PTPRN2: variants seen among roughly 807,000 people sequenced by gnomAD.
PTPRN2 encodes protein tyrosine phosphatase receptor type N2, also known as receptor-type tyrosine-protein phosphatase N2.
In PTPRN2, 74 loss-of-function variants were observed where a neutral mutation model predicts 118.8. The ratio of observed to expected loss-of-function variants is 0.62; its 90% confidence interval spans 0.52 to 0.76. The LOEUF is 0.76. Ranked by LOEUF, PTPRN2 falls within the 30% of genes least tolerant of loss-of-function variation. The pLI, the probability that PTPRN2 is intolerant of heterozygous loss-of-function variation, is 0.00. For missense variants in PTPRN2, 1,481 were observed against 1,394.4 expected (o/e 1.06, Z -0.99); for synonymous variants, 641 against 608.0 (o/e 1.05, Z -0.80).
At position 158,495,472 on chromosome 7, in the gene PTPRN2, C is replaced by T. The variant is rs139794310; in HGVS notation, c.113-5687G>A. 3.3e-5 allele frequency among the ~76,000 whole-genome samples: 5 copies of T among 152,198 alleles called. No individual in the cohort carries two copies. The East Asian group carries it at 9.7e-4, about 30-fold the overall frequency. The stretch of plus-strand genomic sequence containing the variant: ...GCATTCTCAGATGTAAATGAGGATG[C>T]GCCCTGCCCACTGCAGGGGGGGTAA... On this transcript the variant is annotated intron_variant, in intron 1 of 22. Coordinates refer to ENST00000389418, the MANE Select transcript of PTPRN2 (RefSeq NM_002847.5).
In PTPRN2 at chr7:157,702,140, C is replaced by G. The variant is rs36120437; in HGVS notation, c.1789-19203G>C. On this transcript the variant is annotated intron_variant, in intron 12 of 22. Transcript: ENST00000389418. The stretch of plus-strand genomic sequence containing the variant: ...CGGGCTCTGCCTTTGTGTGAAAGCC[C>G]GGTCGGTCCTGGTGTAACTGACACG... 4.3e-5 allele frequency among the ~76,000 whole-genome samples: 6 copies of G among 138,194 alleles called. 1 individual carries two copies. Among genetic ancestry groups the G allele is most frequent in the Admixed American group, 1.5e-4 (2 of 13,766 alleles). 90.7% of individuals were successfully genotyped at this position (138,194 alleles called of 152,430 possible).
chr7:158,095,256 G>C lies in PTPRN2; in HGVS notation c.1644-13879C>G, dbSNP rs571964439. On this transcript the variant is annotated intron_variant, in intron 10 of 22. Transcript: ENST00000389418. ...TCCTGGTGAGAAAAATAAGAATAACGCCAAGCAGGGTATCTAGTATTGACG... is the reference window on the plus strand; with the variant it reads ...TCCTGGTGAGAAAAATAAGAATAACCCCAAGCAGGGTATCTAGTATTGACG... 6.0e-5 allele frequency among the ~76,000 whole-genome samples: 9 copies of C among 150,514 alleles called. No homozygotes were observed. The South Asian group carries it at 1.9e-3, about 32-fold the overall frequency.
At chr7:158,322,258 T>C (rs889850912) in intron 2 of PTPRN2, among the ~76,000 whole-genome samples, 4 of 152,258 alleles carry the variant, frequency 2.6e-5, no homozygotes, top group East Asian at 1.9e-4. Flanking sequence ...AAGCAGACAC[T>C]GCAGGCTCCA....
At chr7:158,061,966 G>A (rs1051606920) in intron 11 of PTPRN2, among the ~76,000 whole-genome samples, 11 of 152,274 alleles carry the variant, frequency 7.2e-5, no homozygotes, top group Admixed American at 2.6e-4. Flanking sequence ...GTGCCCATGC[G>A]TGGTGTCCCA....
chr7:157,938,380 G>A (rs1799849372), intron 11 of PTPRN2, among the ~76,000 whole-genome samples: 2 of 152,238 alleles, frequency 1.3e-5, no homozygotes, highest in South Asian at 2.1e-4. Context: ...CTGCCCTGGG[G>A]ATCCTGCTGA....
intron 11 of PTPRN2, among the ~76,000 whole-genome samples, chr7:158,018,883 C>T (rs1417329729): frequency 6.7e-6 from 1 of 149,624 alleles, no homozygotes; most frequent in Non-Finnish European, 1.5e-5. Context: ...ATCATTTGAA[C>T]CCAGGGGCAG....
At chr7:158,448,013 G>A (rs1045904151) in intron 2 of PTPRN2, among the ~76,000 whole-genome samples, 30 of 152,348 alleles carry the variant, frequency 2.0e-4, no homozygotes, top group African/African-American at 4.1e-4. Flanking sequence ...GCCAGGTGCC[G>A]ACTCAGCAGG....
chr7:158,226,786 C>T (rs1019769020), intron 3 of PTPRN2, among the ~76,000 whole-genome samples: 1 of 151,622 alleles, frequency 6.6e-6, no homozygotes, highest in South Asian at 2.1e-4. Flanking sequence ...GAGCCTCTCA[C>T]GTATCACTGT....
chr7:157,658,185 G>A (rs989443242), intron 13 of PTPRN2, among the ~76,000 whole-genome samples: 20 of 152,200 alleles, frequency 1.3e-4, no homozygotes, highest in African/African-American at 4.8e-4. Flanking sequence ...AGCCACAGGG[G>A]AGGCCGGGGG....
chr7:157,885,335 G>A (rs1796392460), intron 12 of PTPRN2, among the ~76,000 whole-genome samples: 2 of 152,188 alleles, frequency 1.3e-5, no homozygotes, highest in African/African-American at 4.8e-5. Context: ...GTGCCCAGGT[G>A]GGCCTGGGCT....
chr7:157,991,136 G>A lies in PTPRN2; in HGVS notation c.1723+90162C>T, dbSNP rs115213052. On this transcript the variant is annotated intron_variant, in intron 11 of 22. Transcript: ENST00000389418. ...CAGCCTGTCACAAGCCAAGGCGACC[G>A]AGCTTCCCTGAGAGGCACCCAGCCT... is the stretch of plus-strand genomic sequence containing the variant. Among the ~76,000 whole-genome samples, 700 of 152,276 alleles carry A rather than the reference G, an allele frequency of 4.6e-3. 8 individuals are homozygous for A. The highest frequency in any genetic ancestry group is 0.015 in the African/African-American group (635 of 41,554).
At chr7:158,050,911 G>C (rs1473025277) in intron 11 of PTPRN2, among the ~76,000 whole-genome samples, 2 of 152,262 alleles carry the variant, frequency 1.3e-5, no homozygotes, top group African/African-American at 4.8e-5. Flanking sequence ...CCCTCCCGCT[G>C]GAAGTGCTCT....
At position 157,550,016 on chromosome 7, in the gene PTPRN2, A is replaced by T. The variant is rs180982344; in HGVS notation, c.2903-997T>A. On this transcript the variant is annotated intron_variant, in intron 21 of 22. Coordinates refer to ENST00000389418, the MANE Select transcript of PTPRN2 (RefSeq NM_002847.5). This position sits in a 1 kb window ranked among gnomAD's most constrained non-coding sequence, Gnocchi z 5.2. ...GACAGGAAGAAGCCGCAGCCATTGG[A>T]ACCCCAACTACCGTGGGCAGGACAG... 7.2e-4 allele frequency among the ~76,000 whole-genome samples: 110 copies of T among 152,352 alleles called. 1 individual carries two copies. The highest frequency in any genetic ancestry group is 2.5e-3 in the African/African-American group (106 of 41,592).
chr7:157,775,601 CACATGCAGGGAGTCGCCCAGG>C (rs1427742849), intron 12 of PTPRN2, among the ~76,000 whole-genome samples: 7 of 152,340 alleles, frequency 4.6e-5, no homozygotes, highest in African/African-American at 1.7e-4. Flanking sequence ...AGCCGGCGCT[CACATGCAGGGAGTCGCCCAGG>C]ACAGCAAGCC....
chr7:157,813,786 T>C lies in PTPRN2; in HGVS notation c.1788+84887A>G, dbSNP rs112162597. On this transcript the variant is annotated intron_variant, in intron 12 of 22. Coordinates refer to ENST00000389418, the MANE Select transcript of PTPRN2 (RefSeq NM_002847.5). The surrounding 1 kb of genome is among the most constrained non-coding windows in gnomAD (Gnocchi z 4.7). ...CACGCATTCCTTACCCCGGTGGTTT[T>C]CATCTGGACCCTGAGTCAGAATGGC... is the stretch of plus-strand genomic sequence containing the variant. 3.9e-5 allele frequency among the ~76,000 whole-genome samples: 6 copies of C among 152,342 alleles called. 2 individuals are homozygous for C. The highest frequency in any genetic ancestry group is 1.4e-4 in the African/African-American group (6 of 41,582).
intron 11 of PTPRN2, among the ~76,000 whole-genome samples, chr7:157,980,018 C>T (rs1444001048): frequency 3.9e-5 from 6 of 152,152 alleles, no homozygotes; most frequent in African/African-American, 1.4e-4. Flanking sequence ...CAAGGATCCC[C>T]CAAAAGCCTC....
intron 11 of PTPRN2, among the ~76,000 whole-genome samples, chr7:158,012,174 A>G (rs778517609): frequency 2.6e-5 from 4 of 152,168 alleles, no homozygotes; most frequent in Non-Finnish European, 5.9e-5. Context: ...ATCTTTGTGC[A>G]CTGTTCTTAG....
chr7:157,870,794 C>G (rs529610807), intron 12 of PTPRN2, among the ~76,000 whole-genome samples: 1 of 152,236 alleles, frequency 6.6e-6, no homozygotes, highest in Admixed American at 6.5e-5. Flanking sequence ...TGCATGGCCT[C>G]GTGCCAGCCT....
intron 4 of PTPRN2, among the ~76,000 whole-genome samples, chr7:158,202,156 A>G (rs1826692144): frequency 6.6e-6 from 1 of 152,244 alleles, no homozygotes; most frequent in Admixed American, 6.5e-5. Flanking sequence ...AAAATACTCT[A>G]TAAATGAAGA....
Sources: gnomAD v4.1 joint callset for allele counts (sites outside exome capture counted in the v4.1 genomes callset) on GRCh38, gnomAD v4.1.1 for gene constraint, Gnocchi (gnomAD v3.1) non-coding constraint, MANE v1.5 for transcripts, NCBI Gene and HGNC (gene_info 2026-07-23, HGNC 2026-07-21) for gene names.